Variants in NDUFAF2 observed in about 807,000 individuals in gnomAD.
NDUFAF2 encodes the protein NADH dehydrogenase [ubiquinone] 1 alpha subcomplex assembly factor 2.
In NDUFAF2, 13 loss-of-function variants were observed where a neutral mutation model predicts 22.8. The ratio of observed to expected loss-of-function variants is 0.57; its 90% CI spans 0.37 to 0.91. The LOEUF (loss-of-function observed/expected upper bound fraction) is 0.91. Among genes scored for constraint, NDUFAF2 ranks in the 40% least tolerant of loss-of-function variants. The pLI is 0.01. For synonymous variants in NDUFAF2, 53 were observed against 64.2 expected, an observed-to-expected ratio of 0.83 and a Z score of 0.84; for missense variants, 162 against 195.2, an observed-to-expected ratio of 0.83 and a Z score of 1.01.
intron 1 of NDUFAF2, among the ~76,000 whole-genome samples, chr5:61,022,811 A>AT (rs1491198408): frequency 1.3e-5 from 2 of 152,020 alleles, no homozygotes; most frequent in African/African-American, 4.8e-5. Context: ...CACCCAGCTA[A>AT]TTTTTGTATT....
intron 3 of NDUFAF2, among the ~76,000 whole-genome samples, chr5:61,117,032 C>T (rs990537485): frequency 6.6e-6 from 1 of 152,112 alleles, no homozygotes; most frequent in Non-Finnish European, 1.5e-5. Flanking sequence ...AGTGTTTACT[C>T]ATAATATGTG....
At chr5:61,101,637 G>A (rs137877736) in intron 3 of NDUFAF2, among the ~76,000 whole-genome samples, 96 of 152,040 alleles carry the variant, frequency 6.3e-4, no homozygotes, top group Middle Eastern at 3.4e-3. Context: ...AGATCTTTTA[G>A]TGAATACCCA....
chr5:60,962,997 T>C (rs1237699274), intron 1 of NDUFAF2, among the ~76,000 whole-genome samples: 2 of 151,898 alleles, frequency 1.3e-5, no homozygotes, highest in African/African-American at 4.8e-5. Context: ...GTCATTCTCC[T>C]GCCTCAGCTT....
At chr5:60,960,424 T>G (rs1472868507) in intron 1 of NDUFAF2, among the ~76,000 whole-genome samples, 1 of 152,218 alleles carries the variant, frequency 6.6e-6, no homozygotes, top group Non-Finnish European at 1.5e-5. Flanking sequence ...ATTTGCATTC[T>G]TTTTGTGTAA....
rs954410977 is a variant in NDUFAF2 at position 60,982,476 on chromosome 5, G to C, written c.127+37094G>C. ...AGGTTTGTTACATATGTATATATGT[G>C]CCATGTTGGTGTGCTGCACCCATTA... On this transcript the variant is annotated intron_variant, in intron 1 of 3. Coordinates refer to ENST00000296597, the MANE Select transcript of NDUFAF2 (RefSeq NM_174889.5). Among the ~76,000 whole-genome samples the C allele has an allele frequency of 5.9e-5, 9 of 151,728 alleles. No individual in the cohort carries two copies. The East Asian group carries it at 1.7e-3, about 29-fold the overall frequency.
chr5:61,067,765 C>G (rs7701839), intron 1 of NDUFAF2, among the ~76,000 whole-genome samples: 91,118 of 151,674 alleles, frequency 0.6, 28,116 homozygotes, highest in East Asian at 0.94. Context: ...AACTAGTTTA[C>G]AGTCCCACCA....
At chr5:61,060,478 A>ACCAGTC (rs1752149932) in intron 1 of NDUFAF2, among the ~76,000 whole-genome samples, 1 of 152,102 alleles carries the variant, frequency 6.6e-6, no homozygotes, top group African/African-American at 2.4e-5. Flanking sequence ...ACCAGTCAAC[A>ACCAGTC]AACTGATTTA....
At chr5:61,084,768 T>C (rs891212175) in intron 2 of NDUFAF2, among the ~76,000 whole-genome samples, 3 of 152,180 alleles carry the variant, frequency 2.0e-5, no homozygotes, top group Admixed American at 6.5e-5. Flanking sequence ...TTATTGTGAA[T>C]AGTGCTGCTA....
At chr5:60,988,002 A>G (rs775828029) in intron 1 of NDUFAF2, among the ~76,000 whole-genome samples, 1 of 152,196 alleles carries the variant, frequency 6.6e-6, no homozygotes, top group East Asian at 1.9e-4. Context: ...TGCAGAAAAC[A>G]TGGTTCTATA....
At chr5:61,036,004 G>A (rs1751796023) in intron 1 of NDUFAF2, among the ~76,000 whole-genome samples, 1 of 152,172 alleles carries the variant, frequency 6.6e-6, no homozygotes, top group Non-Finnish European at 1.5e-5. Flanking sequence ...ACAGAAGTGT[G>A]TGTTTGTTTG....
At chr5:61,048,032 G>T (rs941833241) in intron 1 of NDUFAF2, among the ~76,000 whole-genome samples, 1 of 152,040 alleles carries the variant, frequency 6.6e-6, no homozygotes, top group Non-Finnish European at 1.5e-5. Context: ...GTTTCTTTTC[G>T]CATTTCCCTC....
At chr5:61,038,277 G>A (rs908477005) in intron 1 of NDUFAF2, among the ~76,000 whole-genome samples, 1 of 152,040 alleles carries the variant, frequency 6.6e-6, no homozygotes, top group African/African-American at 2.4e-5. Context: ...GTATAAAAAA[G>A]GCAACATAAT....
At chr5:61,140,509 C>T (rs1176614606) in intron 3 of NDUFAF2, among the ~76,000 whole-genome samples, 1 of 152,170 alleles carries the variant, frequency 6.6e-6, no homozygotes, top group Admixed American at 6.5e-5. Context: ...ACAGCATACC[C>T]AGTTAAATTT....
chr5:60,969,564 G>GT lies in NDUFAF2; in HGVS notation c.127+24191dup, dbSNP rs200794314. The stretch of plus-strand genomic sequence containing the variant: ...GCCCATTTTTATATTGGATTATCAG[G>GT]TTTTTTTTTACCATAGAGTTGAAAA... On this transcript the variant is annotated intron_variant, in intron 1 of 3. Coordinates refer to ENST00000296597, the MANE Select transcript of NDUFAF2 (RefSeq NM_174889.5). 2.4e-3 allele frequency among the ~76,000 whole-genome samples: 368 copies of GT among 151,008 alleles called. 5 individuals are homozygous for GT. Among genetic ancestry groups the GT allele is most frequent in the East Asian group, 8.8e-3 (45 of 5,142 alleles).
intron 1 of NDUFAF2, among the ~76,000 whole-genome samples, chr5:61,009,071 A>G (rs1580092750): frequency 6.6e-6 from 1 of 152,076 alleles, no homozygotes; most frequent in East Asian, 1.9e-4. Flanking sequence ...TATTATTGTT[A>G]TCTTCATAGT....
intron 2 of NDUFAF2, among the ~76,000 whole-genome samples, chr5:61,096,383 G>A (rs973278778): frequency 6.6e-5 from 10 of 151,734 alleles, no homozygotes; most frequent in Admixed American, 4.6e-4. Flanking sequence ...AGCAGATCAC[G>A]AGGTCAAGAG....
At chr5:61,111,928 G>A (rs997520132) in intron 3 of NDUFAF2, among the ~76,000 whole-genome samples, 18 of 150,914 alleles carry the variant, frequency 1.2e-4, no homozygotes, top group African/African-American at 3.4e-4. Flanking sequence ...TAGTTTTTTT[G>A]TATTTTTTGT....
chr5:61,016,230 AT>A (rs1447925833), intron 1 of NDUFAF2, among the ~76,000 whole-genome samples: 1 of 152,060 alleles, frequency 6.6e-6, no homozygotes, highest in Non-Finnish European at 1.5e-5. Context: ...TACCTTTGGG[AT>A]TTAAAAGTAT....
intron 1 of NDUFAF2, among the ~76,000 whole-genome samples, chr5:61,065,759 A>C (rs1752218993): frequency 6.6e-6 from 1 of 152,116 alleles, no homozygotes; most frequent in Non-Finnish European, 1.5e-5. Flanking sequence ...GGAAAAACTG[A>C]AAACGTTTCC....
Sources: allele counts gnomAD v4.1 joint callset (sites outside exome capture counted in the v4.1 genomes callset), GRCh38; gene constraint gnomAD v4.1.1; transcripts MANE v1.5; gene names NCBI Gene and HGNC (gene_info 2026-07-23, HGNC 2026-07-21).